Variants in CACNA2D3 observed in about 807,000 individuals in gnomAD.
CACNA2D3 encodes voltage-dependent calcium channel subunit alpha-2/delta-3.
In CACNA2D3, 60 loss-of-function variants were observed where a neutral mutation model predicts 160.6. The observed-to-expected ratio is 0.37, with a 90% CI of 0.30 to 0.46. The LOEUF (loss-of-function observed/expected upper bound fraction) is 0.46. CACNA2D3 is among the 20% of genes least tolerant of loss of function. The probability of loss-of-function intolerance (pLI) is 1.00; values close to 1 mark genes in which losing one functional copy is unlikely to be tolerated. For missense variants in CACNA2D3, 1,205 were observed against 1,365.0 expected (o/e 0.88, Z 1.85); for synonymous variants, 558 against 492.9 (o/e 1.13, Z -1.75).
chr3:55,065,731 A>AGGAAGGAAAG (rs1328091554), intron 35 of CACNA2D3, among the ~76,000 whole-genome samples: 1 of 145,846 alleles, frequency 6.9e-6, no homozygotes, highest in African/African-American at 2.8e-5. Context: ...AGGGAAGGAA[A>AGGAAGGAAAG]GGAAGGAAAG....
At chr3:54,754,705 T>C (rs1383961481) in intron 12 of CACNA2D3, among the ~76,000 whole-genome samples, 1 of 152,146 alleles carries the variant, frequency 6.6e-6, no homozygotes, top group East Asian at 1.9e-4. Flanking sequence ...GGTTCAGTGG[T>C]CTGCTTTAAA....
At chr3:54,468,516 A>T (rs1416513198) in intron 4 of CACNA2D3, among the ~76,000 whole-genome samples, 1 of 152,214 alleles carries the variant, frequency 6.6e-6, no homozygotes, top group African/African-American at 2.4e-5. Flanking sequence ...GTTTGGTCAG[A>T]CACTGAGCTA....
chr3:54,509,541 C>G (rs1486741283), intron 5 of CACNA2D3, among the ~76,000 whole-genome samples: 1 of 152,102 alleles, frequency 6.6e-6, no homozygotes, highest in Non-Finnish European at 1.5e-5. Flanking sequence ...GGAATTACAC[C>G]AGAGCACATT....
chr3:55,008,288 T>C (rs1703138976), intron 33 of CACNA2D3, among the ~76,000 whole-genome samples: 1 of 152,180 alleles, frequency 6.6e-6, no homozygotes, highest in Non-Finnish European at 1.5e-5. Flanking sequence ...ATTTCATTGT[T>C]TATTCTGTCA....
chr3:54,607,445 C>T (rs778307584), intron 9 of CACNA2D3, among the ~76,000 whole-genome samples: 79 of 152,206 alleles, frequency 5.2e-4, no homozygotes, highest in Non-Finnish European at 9.6e-4. Flanking sequence ...CCGATGAGGC[C>T]GGACTCCCTG....
intron 4 of CACNA2D3, among the ~76,000 whole-genome samples, chr3:54,447,799 C>A (rs1286920955): frequency 6.6e-6 from 1 of 152,182 alleles, no homozygotes; most frequent in Non-Finnish European, 1.5e-5. Context: ...TGTGAGCCAA[C>A]CTTTGGGCTC....
At chr3:54,569,408 G>A (rs1232580987) in intron 6 of CACNA2D3, among the ~76,000 whole-genome samples, 2 of 151,680 alleles carry the variant, frequency 1.3e-5, no homozygotes, top group Non-Finnish European at 2.9e-5. Flanking sequence ...GTCCAGGGAC[G>A]GGCCAGACTC....
chr3:55,060,748 AT>A (rs981740102), intron 35 of CACNA2D3, among the ~76,000 whole-genome samples: 2 of 152,160 alleles, frequency 1.3e-5, no homozygotes, highest in Non-Finnish European at 2.9e-5. Context: ...AATTAAGAAG[AT>A]TTACTGAAGA....
At chr3:54,307,746 T>G (rs1703646291) in intron 2 of CACNA2D3, among the ~76,000 whole-genome samples, 1 of 152,234 alleles carries the variant, frequency 6.6e-6, no homozygotes, top group Non-Finnish European at 1.5e-5. Context: ...AGCTTTAAGC[T>G]TGTTAGGGAT....
intron 11 of CACNA2D3, among the ~76,000 whole-genome samples, chr3:54,744,570 T>A (rs1701715159): frequency 6.6e-6 from 1 of 152,192 alleles, no homozygotes; most frequent in Non-Finnish European, 1.5e-5. Flanking sequence ...TGTTCCTGAT[T>A]ATGTTAGAAA....
intron 27 of CACNA2D3, among the ~76,000 whole-genome samples, chr3:54,933,066 TTCCTTCCTTCCTTCC>T (rs1701238646): frequency 1.2e-4 from 3 of 25,746 alleles, no homozygotes; most frequent in African/African-American, 1.9e-4. Flanking sequence ...CCTTCCTTCC[TTCCTTCCTTCCTTCC>T]TTCCTTCCTT....
At chr3:54,801,573 T>G (rs946111311) in intron 13 of CACNA2D3, among the ~76,000 whole-genome samples, 22 of 152,272 alleles carry the variant, frequency 1.4e-4, no homozygotes, top group African/African-American at 4.3e-4. Flanking sequence ...TTCAAATAAT[T>G]TAAATATCAT....
intron 27 of CACNA2D3, among the ~76,000 whole-genome samples, chr3:54,912,112 T>C (rs9854624): frequency 0.016 from 2,390 of 152,266 alleles, 72 homozygotes; most frequent in African/African-American, 0.055. Context: ...TGTGGTTTGT[T>C]GGCCAGAGAC....
Position 55,066,846 on chromosome 3 carries a change from C to CT in CACNA2D3, c.2988-6593dup, listed in dbSNP as rs555903655. Among the ~76,000 whole-genome samples, 19 of 152,244 alleles carry CT rather than the reference C, an allele frequency of 1.2e-4. 1 individual carries two copies. In the South Asian group the frequency reaches 3.9e-3, roughly 32 times the overall value. ...TCTGCTGAGGCATTTCCCTCCTCGCCTTTTTTGGCCCCCAGGCAAACCCAC... is the reference window on the plus strand; with the variant it reads ...TCTGCTGAGGCATTTCCCTCCTCGCCTTTTTTTGGCCCCCAGGCAAACCCAC... On this transcript the variant is annotated intron_variant, in intron 35 of 37. Transcript: ENST00000474759.
rs565564208 is a variant in CACNA2D3 at position 54,527,138 on chromosome 3, A to G, written c.544+23484A>G. Among the ~76,000 whole-genome samples, 4 of 152,286 alleles carry G rather than the reference A, an allele frequency of 2.6e-5. No individual in the cohort carries two copies. The South Asian group carries it at 8.3e-4, about 32-fold the overall frequency. On this transcript the variant is annotated intron_variant, in intron 5 of 37. Coordinates refer to ENST00000474759, the MANE Select transcript of CACNA2D3 (RefSeq NM_018398.3). The stretch of plus-strand genomic sequence containing the variant: ...AGTATTTGAGATATGTCCTCCTCCC[A>G]GCTGTCTCTTCCTGTAGAGATCTGT...
chr3:54,219,047 G>T (rs1328946517), intron 2 of CACNA2D3, among the ~76,000 whole-genome samples: 1 of 152,166 alleles, frequency 6.6e-6, no homozygotes, highest in East Asian at 1.9e-4. Flanking sequence ...ATCTTTGGGG[G>T]TATATGGTGC....
At chr3:54,448,389 C>A (rs1275690278) in intron 4 of CACNA2D3, among the ~76,000 whole-genome samples, 3 of 152,250 alleles carry the variant, frequency 2.0e-5, no homozygotes, top group Admixed American at 1.3e-4. Flanking sequence ...TGTTTTAGAC[C>A]CTGTTTGATC....
chr3:54,304,206 C>T (rs1018311893), intron 2 of CACNA2D3, among the ~76,000 whole-genome samples: 1 of 152,142 alleles, frequency 6.6e-6, no homozygotes, highest in African/African-American at 2.4e-5. Context: ...TGCCAAGAGT[C>T]CCTGCAGGAC....
intron 5 of CACNA2D3, among the ~76,000 whole-genome samples, chr3:54,544,825 T>C (rs1489682447): frequency 6.6e-6 from 1 of 152,236 alleles, no homozygotes; most frequent in Admixed American, 6.5e-5. Flanking sequence ...ATTTTAATTA[T>C]GTAAATGCTA....
Sources: allele counts gnomAD v4.1 joint callset (sites outside exome capture counted in the v4.1 genomes callset), GRCh38; gene constraint gnomAD v4.1.1; transcripts MANE v1.5; gene names NCBI Gene and HGNC (gene_info 2026-07-23, HGNC 2026-07-21).